WDPCP: variants seen among roughly 807,000 people sequenced by gnomAD.
WDPCP encodes WD repeat-containing and planar cell polarity effector protein fritz homolog.
Under a neutral mutation model 93.1 loss-of-function variants are expected in WDPCP, and 71 were observed. The observed-to-expected ratio is 0.76, with a 90% confidence interval of 0.63 to 0.93. WDPCP has a LOEUF of 0.93. WDPCP is among the 40% of genes least tolerant of loss of function. The probability of loss-of-function intolerance (pLI) is 0.00; values close to 1 mark genes in which losing one functional copy is unlikely to be tolerated. For missense variants in WDPCP, 844 were observed against 887.4 expected (o/e 0.95, Z 0.62); for synonymous variants, 315 against 315.0 (o/e 1.00, Z 0.00).
At chr2:63,710,141 C>T (rs1024285448) in intron 2 of WDPCP, among the ~76,000 whole-genome samples, 1 of 152,202 alleles carries the variant, frequency 6.6e-6, no homozygotes, top group Admixed American at 6.5e-5. Context: ...CTACACTGAC[C>T]ACATCAACAA....
chr2:63,344,624 T>C (rs951238946), intron 12 of WDPCP, among the ~76,000 whole-genome samples: 11 of 152,214 alleles, frequency 7.2e-5, no homozygotes, highest in Non-Finnish European at 7.3e-5. Context: ...TGTCTGCTGC[T>C]TTCCCCATTT....
intron 15 of WDPCP, among the ~76,000 whole-genome samples, chr2:63,169,057 C>G (rs904934043): frequency 5.9e-5 from 9 of 152,294 alleles, no homozygotes; most frequent in Non-Finnish European, 1.3e-4. Context: ...TACTCTTTCA[C>G]TCTCTGTTCC....
chr2:63,467,000 A>G (rs1333983862), intron 6 of WDPCP, among the ~76,000 whole-genome samples: 1 of 152,224 alleles, frequency 6.6e-6, no homozygotes, highest in Non-Finnish European at 1.5e-5. Context: ...TGATGATACA[A>G]AGATATATTA....
At position 63,433,799 on chromosome 2, in the gene WDPCP, A is replaced by T. The variant is rs764847886; in HGVS notation, c.771T>A (p.Ser257=). Residue 257 remains serine, a synonymous_variant, in exon 9 of 18, where the codon TCT becomes TCA. Coordinates refer to ENST00000272321, the MANE Select transcript of WDPCP (RefSeq NM_015910.7). The part of the protein sequence containing the change: ...DDAWPWAPIS[S]EKDRANLLLL... ...GGAGTAGATTGGCTCTGTCCTTCTC[A>T]GAAGAAATGGGGGCCCAAGGCCAAG... 9.3e-6 allele frequency: 15 copies of T among 1,612,212 alleles called. No homozygotes were observed. Among genetic ancestry groups the T allele is most frequent in the Non-Finnish European group, 1.3e-5 (15 of 1,178,462 alleles).
At chr2:63,199,536 G>A (rs1675726269) in intron 14 of WDPCP, among the ~76,000 whole-genome samples, 1 of 152,230 alleles carries the variant, frequency 6.6e-6, no homozygotes, top group South Asian at 2.1e-4. Context: ...CTTCAGAAGA[G>A]TACAAGCCCT....
intron 1 of WDPCP, among the ~76,000 whole-genome samples, chr2:63,818,197 A>G (rs966649760): frequency 6.6e-6 from 1 of 152,242 alleles, no homozygotes; most frequent in African/African-American, 2.4e-5. Context: ...GGCACTATGC[A>G]GAGCATAATA....
chr2:63,626,176 C>T (rs1033693516), intron 3 of WDPCP, among the ~76,000 whole-genome samples: 2 of 152,154 alleles, frequency 1.3e-5, no homozygotes, highest in Non-Finnish European at 2.9e-5. Context: ...ACACCTTATA[C>T]AAAAATTAAC....
At chr2:63,252,126 T>C (rs1390881864) in intron 14 of WDPCP, among the ~76,000 whole-genome samples, 2 of 152,282 alleles carry the variant, frequency 1.3e-5, no homozygotes, top group East Asian at 3.9e-4. Context: ...GCAAGGTTGG[T>C]TCAACATATG....
At chr2:63,579,184 T>G (rs1708321420) in intron 1 of WDPCP, among the ~76,000 whole-genome samples, 1 of 152,184 alleles carries the variant, frequency 6.6e-6, no homozygotes, top group Non-Finnish European at 1.5e-5. Context: ...TAAACCTGAA[T>G]GGACTAGGAA....
intron 3 of WDPCP, among the ~76,000 whole-genome samples, chr2:63,625,373 A>G (rs1709798747): frequency 6.6e-6 from 1 of 152,236 alleles, no homozygotes; most frequent in South Asian, 2.1e-4. Context: ...AAACAGGAAG[A>G]GAGGAAGTCA....
chr2:63,462,308 C>T (rs987320788), intron 6 of WDPCP, among the ~76,000 whole-genome samples: 3 of 152,064 alleles, frequency 2.0e-5, no homozygotes, highest in Non-Finnish European at 4.4e-5. Flanking sequence ...AATGAGAATG[C>T]TTGGACACAG....
At chr2:63,640,822 A>G (rs1709973075) in intron 3 of WDPCP, among the ~76,000 whole-genome samples, 2 of 152,248 alleles carry the variant, frequency 1.3e-5, no homozygotes. Context: ...CAAAAAATCC[A>G]ATTATACTTT....
intron 9 of WDPCP, among the ~76,000 whole-genome samples, chr2:63,421,805 T>C (rs1055453343): frequency 4.6e-5 from 7 of 152,182 alleles, no homozygotes; most frequent in Non-Finnish European, 2.9e-5. Flanking sequence ...GTGGTAGTAA[T>C]AGCATGATTA....
chr2:63,709,771 G>C (rs541277072), intron 2 of WDPCP, among the ~76,000 whole-genome samples: 1 of 152,078 alleles, frequency 6.6e-6, no homozygotes, highest in Non-Finnish European at 1.5e-5. Context: ...TGCAGTTTTA[G>C]TTGCTGAAAC....
rs11344156 is a variant in WDPCP at position 63,120,524 on chromosome 2, A to ATTTT, written c.*1478_*1481dup. Reference sequence around the variant, plus strand: ...TTGATTATTATTATAGATGTCTATAATTTTTTTTTTTTTTTTTTTTGCAAC... The same window carrying ATTTT: ...TTGATTATTATTATAGATGTCTATAATTTTTTTTTTTTTTTTTTTTTTTTGCAAC... On this transcript the variant is annotated 3_prime_UTR_variant, in exon 18 of 18. Coordinates refer to ENST00000272321, the MANE Select transcript of WDPCP (RefSeq NM_015910.7). 9.2e-6 allele frequency among the ~76,000 whole-genome samples: 1 copy of ATTTT among 108,856 alleles called. No individual in the cohort carries two copies. The highest frequency in any genetic ancestry group is 1.9e-5 in the Non-Finnish European group (1 of 52,840). 71.4% of individuals were successfully genotyped at this position (108,856 alleles called of 152,430 possible).
intron 10 of WDPCP, among the ~76,000 whole-genome samples, chr2:63,387,938 C>G (rs751663694): frequency 1.3e-5 from 2 of 151,936 alleles, no homozygotes; most frequent in Non-Finnish European, 2.9e-5. Context: ...ATCTCTACAA[C>G]AGGAATTACA....
chr2:63,329,293 G>T (rs11125964), intron 12 of WDPCP, among the ~76,000 whole-genome samples: 83,540 of 151,468 alleles, frequency 0.55, 23,309 homozygotes, highest in Admixed American at 0.63. Context: ...ATATTTGTCT[G>T]CTGTTCCTGG....
intron 17 of WDPCP, among the ~76,000 whole-genome samples, chr2:63,126,255 G>T (rs868854593): frequency 3.9e-5 from 6 of 152,074 alleles, no homozygotes; most frequent in African/African-American, 1.4e-4. Context: ...TCTTGAGTGT[G>T]AATATAGAAT....
intron 2 of WDPCP, among the ~76,000 whole-genome samples, chr2:63,753,286 G>T (rs147969793): frequency 1.3e-5 from 2 of 151,948 alleles, no homozygotes; most frequent in Non-Finnish European, 2.9e-5. Context: ...AAAATTAGCC[G>T]TGCATGATGG....
Sources: allele counts gnomAD v4.1 joint callset (sites outside exome capture counted in the v4.1 genomes callset), GRCh38; gene constraint gnomAD v4.1.1; transcripts MANE v1.5; gene names NCBI Gene and HGNC (gene_info 2026-07-23, HGNC 2026-07-21).